SYT9: variants seen among roughly 807,000 people sequenced by gnomAD.
SYT9 encodes the protein synaptotagmin 9.
Under a neutral mutation model 48.4 loss-of-function variants are expected in SYT9, and 22 were observed. The observed-to-expected ratio is 0.45, with a 90% CI of 0.32 to 0.65. The LOEUF (loss-of-function observed/expected upper bound fraction) is 0.65, where lower values mean the gene tolerates loss of function less well. Among genes scored for constraint, SYT9 ranks in the 30% least tolerant of loss-of-function variants. The pLI is 0.03. For missense variants in SYT9, 577 were observed against 622.0 expected, an observed-to-expected ratio of 0.93 and a Z score of 0.77; for synonymous variants, 265 against 245.0, an observed-to-expected ratio of 1.08 and a Z score of -0.76.
chr11:7,365,072 C>T (rs978912012), intron 3 of SYT9, among the ~76,000 whole-genome samples: 1 of 152,092 alleles, frequency 6.6e-6, no homozygotes, highest in African/African-American at 2.4e-5. Flanking sequence ...CCACCCCGCA[C>T]ATATTCTGCC....
At chr11:7,328,442 C>G (rs1849473722) in intron 3 of SYT9, among the ~76,000 whole-genome samples, 1 of 151,948 alleles carries the variant, frequency 6.6e-6, no homozygotes, top group Non-Finnish European at 1.5e-5. Flanking sequence ...TAGTACTTTC[C>G]TAGAAATTAC....
intron 6 of SYT9, among the ~76,000 whole-genome samples, chr11:7,463,262 T>A (rs1460314449): frequency 2.0e-5 from 3 of 152,238 alleles, no homozygotes; most frequent in Non-Finnish European, 4.4e-5. Flanking sequence ...ACCGTTACTG[T>A]CTCCGGTGTT....
chr11:7,455,973 A>G (rs72846886), intron 6 of SYT9, among the ~76,000 whole-genome samples: 2 of 152,080 alleles, frequency 1.3e-5, no homozygotes, highest in Non-Finnish European at 2.9e-5. Context: ...CATAATCCTC[A>G]GGGTTCATTT....
intron 1 of SYT9, among the ~76,000 whole-genome samples, chr11:7,255,659 C>G (rs1019254810): frequency 6.6e-6 from 1 of 152,018 alleles, no homozygotes; most frequent in African/African-American, 2.4e-5. Context: ...GAGAGAAGGG[C>G]AATTAAGGAT....
At chr11:7,365,854 C>T (rs1402740119) in intron 3 of SYT9, among the ~76,000 whole-genome samples, 3 of 152,218 alleles carry the variant, frequency 2.0e-5, no homozygotes, top group South Asian at 2.1e-4. Context: ...AGGCTTCTCC[C>T]TTCCAATCCT....
intron 1 of SYT9, chr11:7,238,922 G>C (rs1308573061): frequency 4.4e-6 from 2 of 456,154 alleles, no homozygotes; most frequent in Non-Finnish European, 8.8e-6. Context: ...CAGAGGTAAA[G>C]TTGCTAGTGG....
At chr11:7,263,532 T>C (rs980575760) in intron 1 of SYT9, among the ~76,000 whole-genome samples, 1 of 152,090 alleles carries the variant, frequency 6.6e-6, no homozygotes. Context: ...AAACAACTGG[T>C]TAGAAGTCAG....
chr11:7,299,183 A>G (rs908125502), intron 1 of SYT9, among the ~76,000 whole-genome samples: 1 of 152,194 alleles, frequency 6.6e-6, no homozygotes, highest in African/African-American at 2.4e-5. Flanking sequence ...TCATGTTTCT[A>G]CCACCTAACT....
intron 3 of SYT9, among the ~76,000 whole-genome samples, chr11:7,353,878 A>T (rs1364845974): frequency 6.6e-6 from 1 of 152,330 alleles, no homozygotes; most frequent in East Asian, 1.9e-4. Context: ...ACTAGTTTTC[A>T]TGAACACATT....
intron 3 of SYT9, among the ~76,000 whole-genome samples, chr11:7,413,976 ATT>A (rs1847190030): frequency 6.6e-6 from 1 of 151,972 alleles, no homozygotes; most frequent in African/African-American, 2.4e-5. Flanking sequence ...CTGAGGTTTG[ATT>A]TTTTTCTCTT....
chr11:7,353,357 C>G (rs1849954594), intron 3 of SYT9, among the ~76,000 whole-genome samples: 1 of 152,148 alleles, frequency 6.6e-6, no homozygotes, highest in African/African-American at 2.4e-5. Context: ...CACCCATGGC[C>G]TCTCCGGCAC....
In SYT9 at chr11:7,252,683, G is replaced by A. The variant is rs1315410716; in HGVS notation, c.145+352G>A. 6.6e-6 allele frequency among the ~76,000 whole-genome samples: 1 copy of A among 152,242 alleles called. No homozygotes were observed. Reference sequence around the variant, plus strand: ...TGCACTCAGAGCGAGGGGAGGCCGCGGCGGCCTCGGAGCCGTGGGAAGGGG... The same window carrying A: ...TGCACTCAGAGCGAGGGGAGGCCGCAGCGGCCTCGGAGCCGTGGGAAGGGG... On this transcript the variant is annotated intron_variant, in intron 1 of 6. Coordinates refer to ENST00000318881, the MANE Select transcript of SYT9 (RefSeq NM_175733.4). This position sits in a 1 kb window ranked among gnomAD's most constrained non-coding sequence, Gnocchi z 6.3.
intron 6 of SYT9, among the ~76,000 whole-genome samples, chr11:7,421,897 G>A (rs1359822161): frequency 2.0e-5 from 3 of 152,190 alleles, no homozygotes; most frequent in African/African-American, 7.2e-5. Context: ...GCAAAGGAGA[G>A]AGATGTTTAC....
chr11:7,305,239 T>C (rs1290862159), intron 2 of SYT9, among the ~76,000 whole-genome samples: 1 of 152,210 alleles, frequency 6.6e-6, no homozygotes, highest in Admixed American at 6.5e-5. Context: ...AGGCATGCAA[T>C]TACATTATCT....
chr11:7,417,306 A>G (rs1847271243), intron 4 of SYT9, among the ~76,000 whole-genome samples: 1 of 152,152 alleles, frequency 6.6e-6, no homozygotes, highest in African/African-American at 2.4e-5. Context: ...ACAGAAGAAG[A>G]GTGAGATAGC....
At chr11:7,271,305 C>A (rs1848292181) in intron 1 of SYT9, among the ~76,000 whole-genome samples, 1 of 152,096 alleles carries the variant, frequency 6.6e-6, no homozygotes, top group Non-Finnish European at 1.5e-5. Context: ...CAGAAGTTAA[C>A]ATTTTTAGGG....
chr11:7,274,046 A>G (rs376748749), intron 1 of SYT9, among the ~76,000 whole-genome samples: 5 of 152,348 alleles, frequency 3.3e-5, no homozygotes, highest in African/African-American at 1.2e-4. Context: ...CTGCACATGT[A>G]TCCCAGAACT....
chr11:7,392,431 A>G (rs192342852), intron 3 of SYT9, among the ~76,000 whole-genome samples: 1 of 152,048 alleles, frequency 6.6e-6, no homozygotes, highest in African/African-American at 2.4e-5. Flanking sequence ...GGCTTTATTT[A>G]CTGGTTCTCT....
intron 3 of SYT9, among the ~76,000 whole-genome samples, chr11:7,369,490 C>A (rs946356316): frequency 6.6e-6 from 1 of 152,036 alleles, no homozygotes; most frequent in Non-Finnish European, 1.5e-5. Flanking sequence ...TAATTATATT[C>A]CATTTGTCAG....
Sources: gnomAD v4.1 joint callset for allele counts (sites outside exome capture counted in the v4.1 genomes callset) on GRCh38, gnomAD v4.1.1 for gene constraint, Gnocchi (gnomAD v3.1) non-coding constraint, MANE v1.5 for transcripts, NCBI Gene and HGNC (gene_info 2026-07-23, HGNC 2026-07-21) for gene names.